PTPRT: variants seen among roughly 807,000 people sequenced by gnomAD.
The protein encoded by PTPRT is receptor-type tyrosine-protein phosphatase T.
Under a neutral mutation model 176.8 loss-of-function variants are expected in PTPRT, and 56 were observed. The ratio of observed to expected loss-of-function variants is 0.32; its 90% CI spans 0.26 to 0.40. The LOEUF is 0.40. Among genes scored for constraint, PTPRT ranks in the 10% least tolerant of loss-of-function variants. The pLI, the probability that PTPRT is intolerant of heterozygous loss-of-function variation, is 1.00. For missense variants in PTPRT, 1,540 were observed against 1,908.2 expected, an observed-to-expected ratio of 0.81 and a Z score of 3.60; for synonymous variants, 783 against 739.0, an observed-to-expected ratio of 1.06 and a Z score of -0.96.
intron 2 of PTPRT, among the ~76,000 whole-genome samples, chr20:42,814,530 T>A (rs1164528629): frequency 1.3e-5 from 2 of 152,240 alleles, no homozygotes; most frequent in Non-Finnish European, 2.9e-5. Flanking sequence ...CTGTTATTAC[T>A]CTGCAGTAAT....
intron 23 of PTPRT, among the ~76,000 whole-genome samples, chr20:42,108,057 GT>G (rs1207420610): frequency 6.6e-6 from 1 of 152,024 alleles, no homozygotes; most frequent in Non-Finnish European, 1.5e-5. Flanking sequence ...GGTCACTCGT[GT>G]TTTTTTCTTC....
At chr20:43,071,439 C>T (rs1380256900) in intron 1 of PTPRT, among the ~76,000 whole-genome samples, 2 of 152,148 alleles carry the variant, frequency 1.3e-5, no homozygotes, top group Non-Finnish European at 2.9e-5. Flanking sequence ...AATTAAACTG[C>T]ATTTACATGG....
chr20:43,129,712 G>A (rs965181846), intron 1 of PTPRT, among the ~76,000 whole-genome samples: 9 of 135,910 alleles, frequency 6.6e-5, no homozygotes, highest in South Asian at 2.5e-4. Flanking sequence ...TCCGCCTCCC[G>A]GGTTCACGCC....
At chr20:42,739,358 TA>T (rs1175225359) in intron 6 of PTPRT, among the ~76,000 whole-genome samples, 14 of 151,552 alleles carry the variant, frequency 9.2e-5, no homozygotes, top group Admixed American at 5.9e-4. Flanking sequence ...GAGGATGTGG[TA>T]GGGGGAAGAG....
At chr20:42,278,065 T>A (rs2057073413) in intron 13 of PTPRT, among the ~76,000 whole-genome samples, 1 of 103,474 alleles carries the variant, frequency 9.7e-6, no homozygotes. Context: ...ATTAAACATG[T>A]AAGTAGACTA....
rs189703492 is a variant in PTPRT at position 42,158,089 on chromosome 20, C to T, written c.2682+3263G>A. ...AACAGGTTGTCCCTGTTGTACCCTG[C>T]ACAGATTCCACAGAATCAATGAATG... On this transcript the variant is annotated intron_variant, in intron 17 of 30. Coordinates refer to ENST00000373187, the MANE Select transcript of PTPRT (RefSeq NM_007050.6). Among the ~76,000 whole-genome samples the T allele has an allele frequency of 3.9e-5, 6 of 152,356 alleles. No homozygotes were observed. In the East Asian group the frequency reaches 5.8e-4, roughly 15 times the overall value.
chr20:42,940,021 T>C (rs1219886814), intron 1 of PTPRT, among the ~76,000 whole-genome samples: 1 of 152,192 alleles, frequency 6.6e-6, no homozygotes, highest in Non-Finnish European at 1.5e-5. Context: ...GTGTCTAGTG[T>C]GTGTCAGCCA....
chr20:42,795,483 A>C (rs1456011856), intron 2 of PTPRT, among the ~76,000 whole-genome samples: 1 of 152,234 alleles, frequency 6.6e-6, no homozygotes, highest in Non-Finnish European at 1.5e-5. Context: ...CAGTAAAAAG[A>C]AAGTCCTAAT....
Position 43,103,963 on chromosome 20 carries a change from G to C in PTPRT, c.88+85683C>G, listed in dbSNP as rs1006721390. Among the ~76,000 whole-genome samples the C allele has an allele frequency of 2.0e-5, 3 of 152,102 alleles. No homozygotes were observed. The South Asian group carries it at 6.2e-4, about 32-fold the overall frequency. ...AACAAATATCACAAAGTAATGCATGGAGAGCAGATGCTTTAAACATCACAC... is the reference window on the plus strand; with the variant it reads ...AACAAATATCACAAAGTAATGCATGCAGAGCAGATGCTTTAAACATCACAC... On this transcript the variant is annotated intron_variant, in intron 1 of 30. Transcript: ENST00000373187.
intron 7 of PTPRT, among the ~76,000 whole-genome samples, chr20:42,671,232 A>G (rs568861695): frequency 3.3e-5 from 5 of 152,238 alleles, no homozygotes; most frequent in African/African-American, 9.6e-5. Flanking sequence ...TTTAAACCTA[A>G]TGGACACTCT....
rs139116790 is a variant in PTPRT at position 42,810,105 on chromosome 20, C to A, written c.215-18639G>T. ...CTCTGGAGTTCAAAACCAGCCTGGG[C>A]AACACAGTGAAACCCCATCGCTACT... On this transcript the variant is annotated intron_variant, in intron 2 of 30. Transcript: ENST00000373187. Among the ~76,000 whole-genome samples, 1,054 of 152,170 alleles carry A rather than the reference C, an allele frequency of 6.9e-3. 10 individuals carry two copies. The highest frequency in any genetic ancestry group is 0.024 in the African/African-American group (993 of 41,530).
Position 42,941,552 on chromosome 20 carries a change from C to A in PTPRT, c.89-55620G>T, listed in dbSNP as rs574920841. 2.0e-5 allele frequency among the ~76,000 whole-genome samples: 3 copies of A among 152,288 alleles called. No individual in the cohort carries two copies. In the South Asian group the frequency reaches 6.2e-4, roughly 32 times the overall value. On this transcript the variant is annotated intron_variant, in intron 1 of 30. Transcript: ENST00000373187. Reference sequence around the variant, plus strand: ...ACCGTTTCATTCACAAATAGTCCTTCTTTTCATTCCTCTGACTCCTGATCT... The same window carrying A: ...ACCGTTTCATTCACAAATAGTCCTTATTTTCATTCCTCTGACTCCTGATCT...
intron 7 of PTPRT, among the ~76,000 whole-genome samples, chr20:42,548,182 A>G (rs1475621491): frequency 6.6e-6 from 1 of 152,080 alleles, no homozygotes; most frequent in African/African-American, 2.4e-5. Context: ...GCAATCTTGT[A>G]AAAATTCTAA....
chr20:42,567,228 G>A (rs899213030), intron 7 of PTPRT, among the ~76,000 whole-genome samples: 1 of 151,584 alleles, frequency 6.6e-6, no homozygotes, highest in South Asian at 2.1e-4. Flanking sequence ...AACCAAGATG[G>A]TGCCAATGTA....
intron 7 of PTPRT, among the ~76,000 whole-genome samples, chr20:42,613,823 T>C (rs532823484): frequency 1.7e-4 from 26 of 152,284 alleles, no homozygotes; most frequent in South Asian, 4.2e-4. Flanking sequence ...CCTTGAATAT[T>C]TCTTGAGCTA....
chr20:42,624,501 A>G (rs1489728353), intron 7 of PTPRT, among the ~76,000 whole-genome samples: 2 of 152,212 alleles, frequency 1.3e-5, no homozygotes, highest in Non-Finnish European at 2.9e-5. Context: ...ACGATTTTTA[A>G]AAGTAAAAGG....
chr20:42,358,214 CTCT>C (rs1568807541), intron 9 of PTPRT, among the ~76,000 whole-genome samples: 2 of 151,006 alleles, frequency 1.3e-5, no homozygotes, highest in Non-Finnish European at 2.9e-5. Flanking sequence ...ATAAAACTCT[CTCT>C]TTTTTTTTTT....
chr20:42,524,355 C>G (rs1354063523), intron 7 of PTPRT, among the ~76,000 whole-genome samples: 1 of 152,124 alleles, frequency 6.6e-6, no homozygotes, highest in Non-Finnish European at 1.5e-5. Context: ...GCAATTTACT[C>G]TTAGGTTTTG....
intron 9 of PTPRT, among the ~76,000 whole-genome samples, chr20:42,444,894 G>C (rs541983860): frequency 6.6e-6 from 1 of 152,278 alleles, no homozygotes; most frequent in South Asian, 2.1e-4. Flanking sequence ...CTTGCTTACT[G>C]TCTGGGGCTG....
Sources: allele counts gnomAD v4.1 joint callset (sites outside exome capture counted in the v4.1 genomes callset), GRCh38; gene constraint gnomAD v4.1.1; transcripts MANE v1.5; gene names NCBI Gene and HGNC (gene_info 2026-07-23, HGNC 2026-07-21).